Variants in AMPD3 observed in about 807,000 individuals in gnomAD.
AMPD3 encodes the protein AMP deaminase 3.
In AMPD3, 57 loss-of-function variants were observed where a neutral mutation model predicts 82.3. The ratio of observed to expected loss-of-function variants is 0.69; its 90% CI spans 0.56 to 0.86. The LOEUF (loss-of-function observed/expected upper bound fraction) is 0.86, where lower values mean the gene tolerates loss of function less well. Among genes scored for constraint, AMPD3 ranks in the 40% least tolerant of loss-of-function variants. The probability of loss-of-function intolerance (pLI) is 0.00; values close to 1 mark genes in which losing one functional copy is unlikely to be tolerated. For missense variants in AMPD3, 870 were observed against 1,003.8 expected (o/e 0.87, Z 1.80); for synonymous variants, 381 against 394.7 (o/e 0.97, Z 0.41).
At chr11:10,500,530 C>T (rs781399100) in intron 11 of AMPD3, 17 of 868,154 alleles carry the variant, frequency 2.0e-5, no homozygotes, top group Non-Finnish European at 2.1e-5. Context: ...ACAGTCCACA[C>T]GTGTCCACAC....
intron 6 of AMPD3, chr11:10,488,395 T>C: frequency 1.0e-6 from 1 of 985,262 alleles, no homozygotes; most frequent in Non-Finnish European, 1.2e-6. Flanking sequence ...GAGGGTGTGG[T>C]AGGGGAATGG....
upstream of AMPD3, chr11:10,454,999 C>T (rs1376833599): frequency 6.1e-6 from 2 of 328,284 alleles, no homozygotes; most frequent in Non-Finnish European, 8.7e-6. Context: ...CATGTGTCAA[C>T]CCTGTAATAC....
At chr11:10,494,786 GA>G in intron 7 of AMPD3, 112 bp from the exon 8 acceptor site, 1 of 1,582,916 alleles carries the variant, frequency 6.3e-7, no homozygotes, top group Non-Finnish European at 8.6e-7. Flanking sequence ...AATTGACATA[GA>G]AGATGTCTTT....
At chr11:10,500,661 C>T (rs1439840883) in intron 11 of AMPD3, 1 of 985,360 alleles carries the variant, frequency 1.0e-6, no homozygotes, top group Non-Finnish European at 1.2e-6. Flanking sequence ...ACAATGTCCA[C>T]ACGTGCATAT....
chr11:10,487,808 C>T lies in AMPD3; in HGVS notation c.939+444C>T, dbSNP rs866604210. Among the ~76,000 whole-genome samples, 5 of 152,040 alleles carry T rather than the reference C, an allele frequency of 3.3e-5. No homozygotes were observed. The East Asian group carries it at 5.8e-4, about 18-fold the overall frequency. On this transcript the variant is annotated intron_variant, in intron 6 of 14. Transcript: ENST00000396553. ...CAGCTCCCTTATAAGTGAGAACATGCGGTGTTTGGTTTTCTCTTCCTGTGT... is the reference window on the plus strand; with the variant it reads ...CAGCTCCCTTATAAGTGAGAACATGTGGTGTTTGGTTTTCTCTTCCTGTGT...
chr11:10,503,212 G>T (rs1482541661), intron 13 of AMPD3, among the ~76,000 whole-genome samples: 4 of 152,194 alleles, frequency 2.6e-5, no homozygotes, highest in African/African-American at 9.7e-5. Flanking sequence ...TCTGTAAAAT[G>T]GAGATAAAAT....
At chr11:10,450,913 C>CT (rs1435494152), upstream of AMPD3, 512 of 1,250,302 alleles carry the variant, frequency 4.1e-4, no homozygotes, top group Non-Finnish European at 4.9e-4. Context: ...GGGGCGCGGC[C>CT]TGGCCGGGCC....
intron 5 of AMPD3, 74 bp from the exon 6 acceptor site, chr11:10,487,161 C>A: frequency 6.2e-7 from 1 of 1,606,218 alleles, no homozygotes; most frequent in Non-Finnish European, 8.5e-7. Flanking sequence ...TTGGCCCCTG[C>A]AGATGCTGGA....
chr11:10,484,291 GA>G, intron 4 of AMPD3: 1 of 985,346 alleles, frequency 1.0e-6, no homozygotes. Flanking sequence ...TGCTCTGGGG[GA>G]GACAAGTTCC....
intron 6 of AMPD3, chr11:10,490,545 A>C: frequency 1.6e-5 from 16 of 985,392 alleles, no homozygotes; most frequent in Non-Finnish European, 1.8e-5. Flanking sequence ...ATGCACTTGG[A>C]TCCTCTGGTG....
chr11:10,494,874 T>C (rs761262031), intron 7 of AMPD3, 25 bp from the exon 8 acceptor site: 1 of 1,608,274 alleles, frequency 6.2e-7, no homozygotes, highest in Non-Finnish European at 8.5e-7. Context: ...AACGATGCGT[T>C]GATTGGTGTG....
intron 10 of AMPD3, 134 bp downstream of exon 10, chr11:10,497,072 G>T: frequency 8.5e-7 from 1 of 1,171,170 alleles, no homozygotes; most frequent in South Asian, 1.2e-5. Context: ...CCAGGCGTGG[G>T]GTCACCAGCC....
chr11:10,464,466 C>T (rs1302306396), intron 2 of AMPD3, among the ~76,000 whole-genome samples: 3 of 152,052 alleles, frequency 2.0e-5, no homozygotes, highest in East Asian at 3.9e-4. Flanking sequence ...AAGGCTATCC[C>T]CTCTTCAGGT....
intron 7 of AMPD3, 63 bp from the exon 8 acceptor site, chr11:10,494,836 G>A (rs1305616108): frequency 6.3e-7 from 1 of 1,587,102 alleles, no homozygotes; most frequent in African/African-American, 1.3e-5. Flanking sequence ...TAAAGGTCTA[G>A]AGAGGGGAAC....
chr11:10,488,110 G>T (rs1398187140), intron 6 of AMPD3: 1 of 606,246 alleles, frequency 1.6e-6, no homozygotes, highest in Non-Finnish European at 2.1e-6. Context: ...TCAGATCTCT[G>T]CCTCTCTTCT....
At chr11:10,452,980 C>T (rs1411128326), upstream of AMPD3, among the ~76,000 whole-genome samples, 1 of 152,174 alleles carries the variant, frequency 6.6e-6, no homozygotes. Context: ...AATGGAGTCT[C>T]ACTCTGTCAC....
At chr11:10,491,989 G>C (rs1031113849) in intron 6 of AMPD3, among the ~76,000 whole-genome samples, 4 of 152,186 alleles carry the variant, frequency 2.6e-5, no homozygotes, top group Non-Finnish European at 5.9e-5. Context: ...TATAGTGAGA[G>C]GACAAGAGGG....
chr11:10,454,946 C>T (rs1259514062), upstream of AMPD3, among the ~76,000 whole-genome samples: 1 of 151,782 alleles, frequency 6.6e-6, no homozygotes, highest in Non-Finnish European at 1.5e-5. Flanking sequence ...GACAGGTGGG[C>T]CGTAATCTCT....
chr11:10,486,654 A>C, intron 5 of AMPD3: 24 of 985,358 alleles, frequency 2.4e-5, no homozygotes, highest in Non-Finnish European at 2.9e-5. Flanking sequence ...GAGTTGAGAG[A>C]TCCTTGGGCC....
Sources: allele counts gnomAD v4.1 joint callset (sites outside exome capture counted in the v4.1 genomes callset), GRCh38; gene constraint gnomAD v4.1.1; transcripts MANE v1.5; gene names NCBI Gene and HGNC (gene_info 2026-07-23, HGNC 2026-07-21).